The following ELAPOR2 variants were observed in gnomAD, a reference collection of about 807,000 sequenced individuals.
ELAPOR2 encodes the protein endosome/lysosome-associated apoptosis and autophagy regulator family member 2.
Under a neutral mutation model 120.7 loss-of-function variants are expected in ELAPOR2, and 89 were observed. The ratio of observed to expected loss-of-function variants is 0.74; its 90% CI spans 0.62 to 0.88. The LOEUF (loss-of-function observed/expected upper bound fraction) is 0.88, where lower values mean the gene tolerates loss of function less well. ELAPOR2 is among the 40% of genes least tolerant of loss of function. The pLI is 0.00. For synonymous variants in ELAPOR2, 444 were observed against 444.9 expected (o/e 1.00, Z 0.03); for missense variants, 1,134 against 1,251.6 (o/e 0.91, Z 1.42).
chr7:87,013,029 T>C (rs1793743422), intron 1 of ELAPOR2, among the ~76,000 whole-genome samples: 2 of 152,204 alleles, frequency 1.3e-5, no homozygotes, highest in Non-Finnish European at 2.9e-5. Flanking sequence ...AAGAAGCACT[T>C]TGCAAACTTC....
intron 1 of ELAPOR2, among the ~76,000 whole-genome samples, chr7:87,058,688 C>G (rs556221834): frequency 6.6e-6 from 1 of 152,212 alleles, no homozygotes; most frequent in Non-Finnish European, 1.5e-5. Context: ...GAAGCATATT[C>G]ACTGTCTTTT....
chr7:87,057,550 G>A (rs1352147439), intron 1 of ELAPOR2, among the ~76,000 whole-genome samples: 1 of 152,198 alleles, frequency 6.6e-6, no homozygotes, highest in Non-Finnish European at 1.5e-5. Flanking sequence ...GAAGGAAAAT[G>A]TAAATTTCAG....
Position 86,938,201 on chromosome 7 carries a change from A to G in ELAPOR2, c.1014T>C (p.Ser338=). ...TACAGGGAGGGCGCTCTGTACACTC[A>G]CTGGATCCTTCCTCTGCAACATAAA... ...DDSQFSEEGS[S]ECTERPPCTT... is the part of the protein sequence containing the mutation. Residue 338 remains serine (S), a synonymous_variant, in exon 8 of 22, where the codon AGT becomes AGC. Coordinates refer to ENST00000450689, the MANE Select transcript of ELAPOR2 (RefSeq NM_001142749.3). 6.5e-7 allele frequency: 1 copy of G among 1,550,350 alleles called. No homozygotes were observed. Among genetic ancestry groups the G allele is most frequent in the South Asian group, 1.2e-5 (1 of 84,034 alleles).
In ELAPOR2 at chr7:86,880,512, C is replaced by G. The variant is rs1280269710; in HGVS notation, c.3049G>C (p.Glu1017Gln). The change falls in exon 22 of 22, where the codon GAA becomes CAA. Residue 1017 changes from glutamate (E) to glutamine (Q), a missense_variant. Around this residue, in one of 3 missense-constraint regions of ELAPOR2, gnomAD observed 831 missense variants for 867.6 expected, o/e 0.96. Transcript: ENST00000450689. Reference sequence around the variant, plus strand: ...CTTGAGGTTTTCAGTTGAACAGATTCAAAATGGTCTTCTTTTTCCTAAGAA... The same window carrying G: ...CTTGAGGTTTTCAGTTGAACAGATTGAAAATGGTCTTCTTTTTCCTAAGAA... ...LATKEKEDHF[E>Q]SVQLKTSRSP... 6.2e-7 allele frequency: 1 copy of G among 1,606,582 alleles called. No homozygotes were observed. Among genetic ancestry groups the G allele is most frequent in the Non-Finnish European group, 8.5e-7 (1 of 1,173,852 alleles).
chr7:86,936,340 CCT>C (rs1790557902), intron 8 of ELAPOR2, among the ~76,000 whole-genome samples: 1 of 152,058 alleles, frequency 6.6e-6, no homozygotes, highest in South Asian at 2.1e-4. Flanking sequence ...GCCTCAGCCT[CCT>C]AAGTAGCTGA....
chr7:86,953,772 CA>C (rs1791363622), intron 2 of ELAPOR2, among the ~76,000 whole-genome samples: 1 of 152,136 alleles, frequency 6.6e-6, no homozygotes, highest in South Asian at 2.1e-4. Flanking sequence ...AGGCAAACTC[CA>C]AAGTTTTTAA....
At chr7:86,972,054 T>C (rs2116512402) in intron 1 of ELAPOR2, among the ~76,000 whole-genome samples, 1 of 152,250 alleles carries the variant, frequency 6.6e-6, no homozygotes, top group East Asian at 1.9e-4. Flanking sequence ...GTAAAAGTGT[T>C]AGAGGACCTC....
rs552726120 is a variant in ELAPOR2, at chr7:86,984,167, G to C, written c.190-19143C>G. On this transcript the variant is annotated intron_variant, in intron 1 of 21. Coordinates refer to ENST00000450689, the MANE Select transcript of ELAPOR2 (RefSeq NM_001142749.3). ...AAATATATATGCACCTAATACAGGAGCACCTAGATTCATAAAGCAAGTCCT... is the reference window on the plus strand; with the variant it reads ...AAATATATATGCACCTAATACAGGACCACCTAGATTCATAAAGCAAGTCCT... 6.6e-5 allele frequency among the ~76,000 whole-genome samples: 10 copies of C among 152,184 alleles called. No homozygotes were observed. The East Asian group carries it at 1.2e-3, about 18-fold the overall frequency.
chr7:87,041,847 GTGC>G (rs896530508), intron 1 of ELAPOR2, among the ~76,000 whole-genome samples: 2 of 151,886 alleles, frequency 1.3e-5, no homozygotes, highest in Non-Finnish European at 2.9e-5. Flanking sequence ...ACCCATCAGT[GTGC>G]TGTATTCAGG....
intron 18 of ELAPOR2, among the ~76,000 whole-genome samples, chr7:86,905,695 A>G (rs1443118117): frequency 6.6e-6 from 1 of 152,198 alleles, no homozygotes; most frequent in Non-Finnish European, 1.5e-5. Context: ...ATTTCAGTAG[A>G]CATCAGAATT....
At chr7:86,929,670 C>T (rs1790236936) in intron 8 of ELAPOR2, among the ~76,000 whole-genome samples, 1 of 151,920 alleles carries the variant, frequency 6.6e-6, no homozygotes, top group Non-Finnish European at 1.5e-5. Context: ...TTCTCTTTTC[C>T]CATGTGTTTA....
At chr7:87,052,892 G>T (rs927290360) in intron 1 of ELAPOR2, among the ~76,000 whole-genome samples, 1 of 152,064 alleles carries the variant, frequency 6.6e-6, no homozygotes, top group Admixed American at 6.6e-5. Flanking sequence ...AACCTCCCAG[G>T]TTCAATCAAT....
chr7:86,899,272 C>CA (rs1180393875), intron 18 of ELAPOR2, among the ~76,000 whole-genome samples: 3 of 152,058 alleles, frequency 2.0e-5, no homozygotes, highest in Non-Finnish European at 4.4e-5. Flanking sequence ...ATGCCGGAAG[C>CA]TATTTGGACA....
intron 1 of ELAPOR2, among the ~76,000 whole-genome samples, chr7:87,024,515 C>T (rs1376203260): frequency 6.6e-6 from 1 of 152,060 alleles, no homozygotes; most frequent in African/African-American, 2.4e-5. Context: ...GGATATTGGT[C>T]TAAAATTCTC....
chr7:86,983,759 T>C (rs1010948409), intron 1 of ELAPOR2, among the ~76,000 whole-genome samples: 2 of 152,158 alleles, frequency 1.3e-5, no homozygotes, highest in Non-Finnish European at 2.9e-5. Context: ...CCATCGATGC[T>C]AGGAAGAAAC....
At chr7:86,896,729 T>C (rs910632652) in intron 19 of ELAPOR2, among the ~76,000 whole-genome samples, 1 of 152,172 alleles carries the variant, frequency 6.6e-6, no homozygotes, top group Non-Finnish European at 1.5e-5. Context: ...GCTAGTTCAG[T>C]GAAGCAGGCT....
intron 8 of ELAPOR2, among the ~76,000 whole-genome samples, chr7:86,935,616 T>C (rs933237263): frequency 6.6e-6 from 1 of 151,940 alleles, no homozygotes; most frequent in East Asian, 1.9e-4. Flanking sequence ...GAAATGTAAA[T>C]TTTCAGGCCT....
chr7:87,020,378 G>T (rs1020744066), intron 1 of ELAPOR2, among the ~76,000 whole-genome samples: 6 of 152,066 alleles, frequency 3.9e-5, no homozygotes, highest in African/African-American at 1.4e-4. Context: ...GGACCCAAGT[G>T]ACCATCAATG....
chr7:86,905,704 T>C (rs1326444591), intron 18 of ELAPOR2, among the ~76,000 whole-genome samples: 3 of 152,192 alleles, frequency 2.0e-5, no homozygotes, highest in African/African-American at 7.2e-5. Context: ...GACATCAGAA[T>C]TGCCTTGTGG....
Sources: gnomAD v4.1 joint callset for allele counts (sites outside exome capture counted in the v4.1 genomes callset) on GRCh38, gnomAD v4.1.1 for gene constraint, gnomAD v4.1.1 regional missense constraint, MANE v1.5 for transcripts, NCBI Gene and HGNC (gene_info 2026-07-23, HGNC 2026-07-21) for gene names.